The following TMEM181 variants were observed in gnomAD, a reference collection of about 807,000 sequenced individuals.
TMEM181 encodes the protein G protein-coupled receptor 178.
In TMEM181, 39 loss-of-function variants were observed where a neutral mutation model predicts 71.9. The observed-to-expected ratio is 0.54, with a 90% CI of 0.42 to 0.71. The LOEUF (loss-of-function observed/expected upper bound fraction) is 0.71. TMEM181 is among the 30% of genes least tolerant of loss of function. The pLI, the probability that TMEM181 is intolerant of heterozygous loss-of-function variation, is 0.00. For missense variants in TMEM181, 595 were observed against 583.0 expected (o/e 1.02, Z -0.21); for synonymous variants, 245 against 228.8 (o/e 1.07, Z -0.64).
intron 1 of TMEM181, among the ~76,000 whole-genome samples, chr6:158,543,548 C>T (rs575102706): frequency 5.1e-4 from 78 of 152,242 alleles, no homozygotes; most frequent in Non-Finnish European, 1.1e-3. Context: ...GAGTTGTCTC[C>T]TCCTGAGGGA....
chr6:158,544,306 C>T (rs868373989), intron 1 of TMEM181, among the ~76,000 whole-genome samples: 34 of 151,700 alleles, frequency 2.2e-4, no homozygotes, highest in Middle Eastern at 6.8e-3. Flanking sequence ...TGGTGCTCAG[C>T]GCATCCTGGC....
At chr6:158,615,644 C>G (rs1396880036) in intron 10 of TMEM181, among the ~76,000 whole-genome samples, 1 of 152,172 alleles carries the variant, frequency 6.6e-6, no homozygotes, top group Non-Finnish European at 1.5e-5. Context: ...TTTAATCCAT[C>G]TTGAATTAAT....
At chr6:158,596,339 T>G (rs146711174) in intron 6 of TMEM181, among the ~76,000 whole-genome samples, 1 of 152,346 alleles carries the variant, frequency 6.6e-6, no homozygotes, top group African/African-American at 2.4e-5. Context: ...AGCTCTTGCT[T>G]CTTCAGCAGT....
chr6:158,562,472 G>A (rs977111857), intron 1 of TMEM181, among the ~76,000 whole-genome samples: 10 of 141,698 alleles, frequency 7.1e-5, no homozygotes, highest in Non-Finnish European at 1.4e-4. Flanking sequence ...GTGTGTGTGT[G>A]TGTCTTGCTT....
At chr6:158,545,182 C>A (rs1466121586) in intron 1 of TMEM181, among the ~76,000 whole-genome samples, 1 of 152,262 alleles carries the variant, frequency 6.6e-6, no homozygotes. Flanking sequence ...TCCCGCTACA[C>A]CCCGCTTTCT....
chr6:158,539,548 G>A (rs748232237), intron 1 of TMEM181, among the ~76,000 whole-genome samples: 4 of 152,198 alleles, frequency 2.6e-5, no homozygotes, highest in Admixed American at 1.3e-4. Context: ...CTCACCTCAC[G>A]TGGTTGGCAG....
At chr6:158,585,247 T>C in intron 4 of TMEM181, 57 bp from the exon 5 acceptor site, 1 of 1,506,908 alleles carries the variant, frequency 6.6e-7, no homozygotes, top group East Asian at 2.4e-5. Context: ...GGAAGGCACC[T>C]TTGTAGGTGT....
chr6:158,619,948 T>G (rs1487790568), intron 10 of TMEM181, among the ~76,000 whole-genome samples: 1 of 151,000 alleles, frequency 6.6e-6, no homozygotes, highest in Non-Finnish European at 1.5e-5. Context: ...AGCCTGAGTA[T>G]AGGGAACCTC....
rs752905906 is a variant in TMEM181, at chr6:158,607,286, T to C, written c.616T>C (p.Trp206Arg). ...HSLRKFSMRD[W>R]GIEQKWMSVL... is the part of the protein sequence containing the mutation. ...CCTCCGGAAATTTTCCATGAGAGACTGGGGCATCGAGCAGAAGTGGATGTC... is the reference window on the plus strand; with the variant it reads ...CCTCCGGAAATTTTCCATGAGAGACCGGGGCATCGAGCAGAAGTGGATGTC... The change falls in exon 8 of 17, where the codon TGG becomes CGG. Residue 206 changes from tryptophan to arginine, a missense_variant. Trp to Arg is a moderately radical substitution (Grantham distance 101). Transcript: ENST00000684151. 6.2e-7 allele frequency: 1 copy of C among 1,614,210 alleles called. No homozygotes were observed. Among genetic ancestry groups the C allele is most frequent in the South Asian group, 1.1e-5 (1 of 91,086 alleles).
At chr6:158,540,781 T>G (rs1292139221) in intron 1 of TMEM181, among the ~76,000 whole-genome samples, 2 of 152,084 alleles carry the variant, frequency 1.3e-5, no homozygotes, top group East Asian at 3.9e-4. Context: ...TTTCTTTTTT[T>G]TGAGAGAGAG....
intron 6 of TMEM181, among the ~76,000 whole-genome samples, chr6:158,604,753 TAA>T (rs1784853237): frequency 1.3e-5 from 2 of 152,210 alleles, no homozygotes; most frequent in South Asian, 2.1e-4. Flanking sequence ...CTATTTCTAA[TAA>T]AGAGATTGAC....
intron 1 of TMEM181, among the ~76,000 whole-genome samples, chr6:158,539,565 C>G (rs1372550304): frequency 6.6e-6 from 1 of 152,210 alleles, no homozygotes; most frequent in Non-Finnish European, 1.5e-5. Flanking sequence ...GCAGTTTTCT[C>G]ATAACAGGGC....
At chr6:158,585,581 AACTT>A (rs1240421532) in intron 5 of TMEM181, among the ~76,000 whole-genome samples, 156 bp downstream of exon 5, 4 of 152,212 alleles carry the variant, frequency 2.6e-5, no homozygotes, top group Non-Finnish European at 5.9e-5. Context: ...GGCATGAAAA[AACTT>A]ACTTATTTTT....
intron 10 of TMEM181, among the ~76,000 whole-genome samples, chr6:158,614,521 T>C (rs1443601066): frequency 6.6e-6 from 1 of 152,238 alleles, no homozygotes; most frequent in Non-Finnish European, 1.5e-5. Context: ...AGTTCTAGGG[T>C]ACATGTGCAC....
intron 2 of TMEM181, among the ~76,000 whole-genome samples, chr6:158,580,458 CTT>C (rs1157627747): frequency 2.0e-5 from 3 of 152,144 alleles, no homozygotes; most frequent in Non-Finnish European, 2.9e-5. Context: ...TTAGTTAAAA[CTT>C]TATGCTTTCC....
chr6:158,610,788 CACAG>C (rs527909519), intron 10 of TMEM181: 195 of 315,282 alleles, frequency 6.2e-4, no homozygotes, highest in African/African-American at 3.3e-3. Context: ...TGCTGCTGCT[CACAG>C]ACAGGTAGCC....
chr6:158,591,984 G>A (rs1784136127), intron 6 of TMEM181, among the ~76,000 whole-genome samples: 1 of 152,170 alleles, frequency 6.6e-6, no homozygotes, highest in African/African-American at 2.4e-5. Context: ...GCTCAAAAAG[G>A]AATTGGTTCA....
At position 158,563,740 on chromosome 6, in the gene TMEM181, A is replaced by G. The variant is rs1026441991; in HGVS notation, c.8+3508A>G. 3.3e-5 allele frequency among the ~76,000 whole-genome samples: 5 copies of G among 152,312 alleles called. No individual in the cohort carries two copies. The East Asian group carries it at 7.7e-4, about 23-fold the overall frequency. ...CACATGAACTCACCAGTCCTTGGGT[A>G]GCTTAGACCATTGTTTATTAAATTG... On this transcript the variant is annotated intron_variant, in intron 1 of 16. Coordinates refer to ENST00000684151, the MANE Select transcript of TMEM181 (RefSeq NM_001376852.1).
At chr6:158,551,161 C>T (rs1781712208) in intron 1 of TMEM181, among the ~76,000 whole-genome samples, 1 of 152,008 alleles carries the variant, frequency 6.6e-6, no homozygotes, top group Non-Finnish European at 1.5e-5. Context: ...GGGGTTTCAC[C>T]ATGTTGGCCA....
Sources: gnomAD v4.1 joint callset for allele counts (sites outside exome capture counted in the v4.1 genomes callset) on GRCh38, gnomAD v4.1.1 for gene constraint, MANE v1.5 for transcripts, NCBI Gene and HGNC (gene_info 2026-07-23, HGNC 2026-07-21) for gene names.